Variants in DOCK10 observed in about 807,000 individuals in gnomAD.
DOCK10 encodes dedicator of cytokinesis 10.
A neutral mutation model predicts 280.1 loss-of-function variants in DOCK10; 145 were observed. The observed-to-expected ratio is 0.52, with a 90% CI of 0.45 to 0.59. The LOEUF (loss-of-function observed/expected upper bound fraction) is 0.59. Ranked by LOEUF, DOCK10 falls within the 20% of genes least tolerant of loss-of-function variation. The pLI, the probability that DOCK10 is intolerant of heterozygous loss-of-function variation, is 0.00. For missense variants in DOCK10, 2,368 were observed against 2,651.7 expected, an observed-to-expected ratio of 0.89 and a Z score of 2.35; for synonymous variants, 915 against 942.2, an observed-to-expected ratio of 0.97 and a Z score of 0.53.
At chr2:225,002,048 G>A (rs1706445236) in intron 1 of DOCK10, among the ~76,000 whole-genome samples, 1 of 152,160 alleles carries the variant, frequency 6.6e-6, no homozygotes, top group Admixed American at 6.5e-5. Flanking sequence ...TTCAGTCAGG[G>A]GGATTCCATA....
In DOCK10 at chr2:224,840,052, C is replaced by T. The variant is rs767054892; in HGVS notation, c.2682G>A (p.Lys894=). Residue 894 remains lysine (K), a synonymous_variant, in exon 24 of 56, where the codon AAG becomes AAA. Coordinates refer to ENST00000258390, the MANE Select transcript of DOCK10 (RefSeq NM_014689.3). ...RSCKNLLNVE[K]IHAIMSFLPI... ...GCAGAAAACTCATGATTGCATGAATCTTTTCCACATTCAATAAGTTCTGTA... is the reference window on the plus strand; with the variant it reads ...GCAGAAAACTCATGATTGCATGAATTTTTTCCACATTCAATAAGTTCTGTA... 2 of 1,543,940 alleles carry T rather than the reference C, an allele frequency of 1.3e-6. No homozygotes were observed. The highest frequency in any genetic ancestry group is 1.8e-6 in the Non-Finnish European group (2 of 1,136,850).
At chr2:224,852,703 C>A (rs1156625656) in intron 17 of DOCK10, among the ~76,000 whole-genome samples, 1 of 152,070 alleles carries the variant, frequency 6.6e-6, no homozygotes, top group African/African-American at 2.4e-5. Flanking sequence ...AATAGTCGAA[C>A]AAAATTATTT....
chr2:224,926,534 TA>T lies in DOCK10; in HGVS notation c.243+5014del, dbSNP rs551212966. On this transcript the variant is annotated intron_variant, in intron 2 of 55. Transcript: ENST00000258390. Reference sequence around the variant, plus strand: ...ATAACAGAGCGAGACTCCATCTCTTTAAAAAAAAGTGTTAAAAGGAGGAAAC... The same window carrying T: ...ATAACAGAGCGAGACTCCATCTCTTTAAAAAAAGTGTTAAAAGGAGGAAAC... Among the ~76,000 whole-genome samples the T allele has an allele frequency of 3.8e-3, 584 of 152,102 alleles. 3 individuals carry two copies. The highest frequency in any genetic ancestry group is 0.012 in the African/African-American group (511 of 41,512).
intron 1 of DOCK10, among the ~76,000 whole-genome samples, chr2:225,031,187 A>C (rs1268315979): frequency 2.6e-5 from 4 of 152,168 alleles, no homozygotes. Context: ...TATCATTTGG[A>C]CTGTGGATAG....
intron 53 of DOCK10, among the ~76,000 whole-genome samples, chr2:224,771,157 C>T (rs570657405): frequency 4.3e-4 from 65 of 152,162 alleles, no homozygotes; most frequent in South Asian, 8.3e-4. Context: ...TACATTGTCC[C>T]GGCTAGTCTG....
At chr2:225,003,447 G>T (rs752858506) in intron 1 of DOCK10, among the ~76,000 whole-genome samples, 7 of 152,122 alleles carry the variant, frequency 4.6e-5, no homozygotes, top group Non-Finnish European at 1.0e-4. Context: ...CTAGAATGCT[G>T]ATCTTGGGAG....
At chr2:224,902,101 A>G (rs987686458) in intron 3 of DOCK10, among the ~76,000 whole-genome samples, 2 of 152,216 alleles carry the variant, frequency 1.3e-5, no homozygotes, top group Non-Finnish European at 1.5e-5. Context: ...TGTAAAGAAA[A>G]TATTTCATTT....
chr2:224,800,752 T>C (rs892876941), intron 40 of DOCK10, among the ~76,000 whole-genome samples: 1 of 152,188 alleles, frequency 6.6e-6, no homozygotes, highest in Non-Finnish European at 1.5e-5. Context: ...TTTGAAGAGA[T>C]TTATTGTGAG....
At position 224,840,292 on chromosome 2, in the gene DOCK10, G is replaced by A. The variant is rs191059213; in HGVS notation, c.2662-220C>T. On this transcript the variant is annotated intron_variant, in intron 23 of 55. Transcript: ENST00000258390. ...ACTAAAAGGTTTCAGCACAGCCAAG[G>A]AAACACTCAATGGAGTAAAGAGACA... 1.5e-5 allele frequency: 6 copies of A among 401,642 alleles called. No individual in the cohort carries two copies. In the East Asian group the frequency reaches 2.3e-4, roughly 16 times the overall value. 24.9% of individuals were successfully genotyped at this position (401,642 alleles called of 1,614,324 possible).
chr2:224,865,042 T>G lies in DOCK10; in HGVS notation c.1303A>C (p.Ser435Arg), dbSNP rs1410267792. The change falls in exon 12 of 56, where the codon AGC (serine) becomes CGC (arginine). Residue 435 changes from serine (S) to arginine (R), a missense_variant. By Grantham distance (110) the Ser-to-Arg change is moderately radical. This residue lies in a region of DOCK10 where 1,209 missense variants were observed against 1,250.9 expected (regional missense o/e 0.97). Coordinates refer to ENST00000258390, the MANE Select transcript of DOCK10 (RefSeq NM_014689.3). ...VSVALYDLRD[S>R]RKISADFHVD... Reference sequence around the variant, plus strand: ...TGAAAATCAGCAGAAATCTTCCTGCTGTCTCTGAGGTCATAAAGTGCCACA... The same window carrying G: ...TGAAAATCAGCAGAAATCTTCCTGCGGTCTCTGAGGTCATAAAGTGCCACA... The G allele has an allele frequency of 6.2e-7, 1 of 1,614,012 alleles. No individual in the cohort carries two copies. Among genetic ancestry groups the G allele is most frequent in the South Asian group, 1.1e-5 (1 of 91,084 alleles).
At chr2:224,883,837 C>T (rs545680791) in intron 7 of DOCK10, among the ~76,000 whole-genome samples, 1 of 152,272 alleles carries the variant, frequency 6.6e-6, no homozygotes, top group East Asian at 1.9e-4. Flanking sequence ...AAAAATATTG[C>T]ATATTAACCT....
intron 55 of DOCK10, among the ~76,000 whole-genome samples, chr2:224,769,191 G>A (rs893886617): frequency 3.3e-5 from 5 of 152,040 alleles, no homozygotes; most frequent in Admixed American, 2.0e-4. Context: ...TCCTATCTAC[G>A]GCAATTCATT....
intron 1 of DOCK10, among the ~76,000 whole-genome samples, chr2:225,001,857 T>C (rs1706439657): frequency 6.6e-6 from 1 of 152,176 alleles, no homozygotes; most frequent in South Asian, 2.1e-4. Flanking sequence ...CCCTTGAGCC[T>C]GTTTCGTAAG....
At chr2:225,017,421 A>AGATT in intron 1 of DOCK10, among the ~76,000 whole-genome samples, 4 of 126,632 alleles carry the variant, frequency 3.2e-5, no homozygotes, top group East Asian at 4.9e-4. Context: ...AAAGAGACAG[A>AGATT]CAGAGATTGA....
intron 15 of DOCK10, among the ~76,000 whole-genome samples, chr2:224,855,349 G>A (rs1254133418): frequency 1.3e-5 from 2 of 152,148 alleles, no homozygotes; most frequent in African/African-American, 4.8e-5. Flanking sequence ...AAAAGTACAA[G>A]AGTAAATTAT....
chr2:224,905,784 C>T (rs370399843), intron 3 of DOCK10, among the ~76,000 whole-genome samples: 4 of 152,142 alleles, frequency 2.6e-5, no homozygotes, highest in Non-Finnish European at 4.4e-5. Context: ...CCTTGTTCCC[C>T]GCTTTCCTCT....
chr2:225,014,081 A>ATAT (rs776104946), intron 1 of DOCK10, among the ~76,000 whole-genome samples: 5 of 96,800 alleles, frequency 5.2e-5, no homozygotes, highest in South Asian at 3.5e-4. Context: ...GTCTGAATAT[A>ATAT]TTGTTTTTTT....
chr2:224,903,104 C>CAAAA (rs1700400011), intron 3 of DOCK10, among the ~76,000 whole-genome samples: 1 of 151,996 alleles, frequency 6.6e-6, no homozygotes, highest in Non-Finnish European at 1.5e-5. Flanking sequence ...TCTCAAAAAA[C>CAAAA]CAAAACAAAA....
At chr2:224,768,588 G>A (rs1690211757) in intron 55 of DOCK10, among the ~76,000 whole-genome samples, 1 of 152,096 alleles carries the variant, frequency 6.6e-6, no homozygotes, top group African/African-American at 2.4e-5. Flanking sequence ...GCAGTTTTAG[G>A]TACAGCATAT....
Sources: gnomAD v4.1 joint callset for allele counts (sites outside exome capture counted in the v4.1 genomes callset) on GRCh38, gnomAD v4.1.1 for gene constraint, gnomAD v4.1.1 regional missense constraint, MANE v1.5 for transcripts, NCBI Gene and HGNC (gene_info 2026-07-23, HGNC 2026-07-21) for gene names.